Variants in DOCK9 observed in about 807,000 individuals in gnomAD.
DOCK9 encodes the protein dedicator of cytokinesis protein 9.
Under a neutral mutation model 263.3 loss-of-function variants are expected in DOCK9, and 89 were observed. That is an observed-to-expected ratio of 0.34 (90% CI 0.28 to 0.40). The LOEUF is 0.40. DOCK9 is among the 10% of genes least tolerant of loss of function. The pLI is 1.00. For missense variants in DOCK9, 2,140 were observed against 2,603.4 expected, an observed-to-expected ratio of 0.82 and a Z score of 3.87; for synonymous variants, 976 against 973.1, an observed-to-expected ratio of 1.00 and a Z score of -0.06.
chr13:98,911,874 C>CT (rs368270696), intron 9 of DOCK9, among the ~76,000 whole-genome samples: 3,444 of 141,992 alleles, frequency 0.024, 108 homozygotes, highest in African/African-American at 0.057. Flanking sequence ...TAAAAAAACA[C>CT]TTTTTTTTTT....
intron 1 of DOCK9, among the ~76,000 whole-genome samples, chr13:98,995,713 C>T (rs1880875454): frequency 6.6e-6 from 1 of 152,032 alleles, no homozygotes; most frequent in African/African-American, 2.4e-5. Flanking sequence ...TGGTCTCGAT[C>T]TCCTCACCTT....
intron 35 of DOCK9, among the ~76,000 whole-genome samples, 164 bp downstream of exon 35, chr13:98,853,244 T>C (rs1417374288): frequency 6.6e-6 from 1 of 152,216 alleles, no homozygotes; most frequent in Admixed American, 6.5e-5. Flanking sequence ...CTAAGAACCT[T>C]AGTCAATGAA....
chr13:99,028,392 A>G (rs898952893), intron 1 of DOCK9, among the ~76,000 whole-genome samples: 1 of 152,206 alleles, frequency 6.6e-6, no homozygotes, highest in African/African-American at 2.4e-5. Context: ...CAATCCAAAA[A>G]AAGGCAGGAC....
At chr13:99,033,125 C>T (rs1937890220) in intron 1 of DOCK9, among the ~76,000 whole-genome samples, 3 of 152,186 alleles carry the variant, frequency 2.0e-5, no homozygotes, top group Admixed American at 6.5e-5. Flanking sequence ...CATACATAGC[C>T]ACCTTCCTAT....
At chr13:98,917,347 A>C (rs2051049822) in intron 7 of DOCK9, among the ~76,000 whole-genome samples, 1 of 152,230 alleles carries the variant, frequency 6.6e-6, no homozygotes, top group Non-Finnish European at 1.5e-5. Flanking sequence ...AAGTAACTTA[A>C]AGGTCTTTTG....
intron 27 of DOCK9, among the ~76,000 whole-genome samples, chr13:98,872,489 C>T (rs897475700): frequency 1.3e-5 from 2 of 152,136 alleles, no homozygotes; most frequent in African/African-American, 2.4e-5. Flanking sequence ...TCACTGTAGC[C>T]TCATCCTCCA....
intron 52 of DOCK9, 139 bp downstream of exon 52, chr13:98,796,976 A>G: frequency 1.2e-6 from 1 of 862,938 alleles, no homozygotes; most frequent in Non-Finnish European, 1.8e-6. Flanking sequence ...GGGCTAGAGC[A>G]TGGCAGGAGT....
intron 1 of DOCK9, among the ~76,000 whole-genome samples, chr13:99,022,332 T>C (rs1886215794): frequency 6.6e-6 from 1 of 152,224 alleles, no homozygotes; most frequent in Admixed American, 6.5e-5. Context: ...CCTAAAGTTA[T>C]GACCACGTAA....
At chr13:98,830,153 G>A (rs1169879574) in intron 41 of DOCK9, among the ~76,000 whole-genome samples, 1 of 152,204 alleles carries the variant, frequency 6.6e-6, no homozygotes, top group Non-Finnish European at 1.5e-5. Flanking sequence ...ACTGTCCTTT[G>A]CAATACTTTA....
At position 98,880,636 on chromosome 13, in the gene DOCK9, A is replaced by G. The variant is rs762625739; in HGVS notation, c.2782T>C (p.Tyr928His). ...GTCAGTTCTTCATGCACTGTCTTGT[A>G]TTCAGAGGCAACATATGGCTCAGCC... ...YKAEPYVASE[Y>H]KTVHEELTKS... The change falls in exon 26 of 53, where the codon TAC becomes CAC. Residue 928 changes from tyrosine to histidine, a missense_variant. Transcript: ENST00000682017. 2.5e-6 allele frequency: 4 copies of G among 1,613,910 alleles called. No individual in the cohort carries two copies. The highest frequency in any genetic ancestry group is 2.5e-6 in the Non-Finnish European group (3 of 1,179,870).
intron 1 of DOCK9, among the ~76,000 whole-genome samples, chr13:99,042,942 C>T (rs1888605541): frequency 6.6e-6 from 1 of 151,932 alleles, no homozygotes; most frequent in Admixed American, 6.6e-5. Flanking sequence ...AAACTGTCAC[C>T]CACTGACAAG....
chr13:98,927,096 G>GT (rs2140206008), intron 3 of DOCK9, among the ~76,000 whole-genome samples: 1 of 152,384 alleles, frequency 6.6e-6, no homozygotes, highest in South Asian at 2.1e-4. Flanking sequence ...TGAAGGTAAT[G>GT]TAAGTTTTTA....
intron 28 of DOCK9, 75 bp downstream of exon 28, chr13:98,868,156 G>A: frequency 5.7e-6 from 9 of 1,583,730 alleles, no homozygotes; most frequent in Non-Finnish European, 6.9e-6. Context: ...CTCTATTCTA[G>A]TCACCCTGCT....
At chr13:98,844,841 T>C (rs2093340998) in intron 38 of DOCK9, among the ~76,000 whole-genome samples, 1 of 152,222 alleles carries the variant, frequency 6.6e-6, no homozygotes, top group African/African-American at 2.4e-5. Flanking sequence ...TTGGCCTGTA[T>C]TTTAAAAAGA....
chr13:99,012,655 C>T (rs1480432881), intron 1 of DOCK9, among the ~76,000 whole-genome samples: 2 of 152,256 alleles, frequency 1.3e-5, no homozygotes, highest in Non-Finnish European at 2.9e-5. Flanking sequence ...CAAGGAAGTA[C>T]CAATGGGCAG....
chr13:99,041,304 A>T (rs9557122), intron 1 of DOCK9, among the ~76,000 whole-genome samples: 41,439 of 151,916 alleles, frequency 0.27, 6,017 homozygotes, highest in East Asian at 0.43. Context: ...GGCAACATAG[A>T]GAAACCCTTT....
intron 1 of DOCK9, chr13:99,086,135 C>A: frequency 3.6e-6 from 5 of 1,384,234 alleles, no homozygotes; most frequent in African/African-American, 1.5e-5. Flanking sequence ...CTGCCTCAGC[C>A]CTGCCGACTA....
chr13:98,860,772 G>T (rs1305308072), intron 32 of DOCK9, among the ~76,000 whole-genome samples: 1 of 152,052 alleles, frequency 6.6e-6, no homozygotes, highest in African/African-American at 2.4e-5. Context: ...ATAAAGTCTT[G>T]TTTCTCTTTC....
At chr13:98,908,466 T>C (rs2049459989) in intron 9 of DOCK9, among the ~76,000 whole-genome samples, 2 of 152,118 alleles carry the variant, frequency 1.3e-5, no homozygotes, top group Admixed American at 1.3e-4. Context: ...AAAAAAAACC[T>C]TAAATGTTCA....
Sources: allele counts gnomAD v4.1 joint callset (sites outside exome capture counted in the v4.1 genomes callset), GRCh38; gene constraint gnomAD v4.1.1; transcripts MANE v1.5; gene names NCBI Gene and HGNC (gene_info 2026-07-23, HGNC 2026-07-21).